Variants in CARS2 observed in about 807,000 individuals in gnomAD.
The protein encoded by CARS2 is cysteinyl-tRNA synthetase 2, mitochondrial, also known as probable cysteine--tRNA ligase, mitochondrial.
CARS2 carries 52 observed loss-of-function variants against 68.8 expected under a neutral mutation model. The ratio of observed to expected loss-of-function variants is 0.76; its 90% CI spans 0.61 to 0.95. The LOEUF is 0.95. Among genes scored for constraint, CARS2 ranks in the 40% least tolerant of loss-of-function variants. CARS2 has a pLI of 0.00. For synonymous variants in CARS2, 314 were observed against 303.6 expected, an observed-to-expected ratio of 1.03 and a Z score of -0.36; for missense variants, 780 against 754.2, an observed-to-expected ratio of 1.03 and a Z score of -0.40.
intron 9 of CARS2, among the ~76,000 whole-genome samples, chr13:110,655,986 C>T (rs772892602): frequency 6.6e-6 from 1 of 152,196 alleles, no homozygotes; most frequent in Non-Finnish European, 1.5e-5. Context: ...CTGAACCCTG[C>T]AAATGTTTCA....
intron 7 of CARS2, among the ~76,000 whole-genome samples, chr13:110,675,575 G>T (rs1350333835): frequency 1.3e-5 from 2 of 152,108 alleles, no homozygotes; most frequent in Non-Finnish European, 2.9e-5. Flanking sequence ...GGGGAGTGGG[G>T]AGGGATAGCA....
At chr13:110,646,124 G>A (rs1330921908) in intron 11 of CARS2, 34 bp from the exon 12 acceptor site, 5 of 1,600,618 alleles carry the variant, frequency 3.1e-6, no homozygotes, top group Non-Finnish European at 4.3e-6. Context: ...CACAGCAGAG[G>A]GAGCTCCACT....
chr13:110,666,492 T>A, intron 8 of CARS2: 2 of 985,304 alleles, frequency 2.0e-6, no homozygotes, highest in Non-Finnish European at 2.4e-6. Context: ...GTTCCCCGAC[T>A]CAACAGGGTA....
intron 13 of CARS2, 51 bp from the exon 14 acceptor site, chr13:110,642,572 T>TG (rs1555342220): frequency 1.7e-5 from 23 of 1,334,156 alleles, no homozygotes; most frequent in Non-Finnish European, 1.0e-5. Context: ...GGATTGTGGA[T>TG]GCCCCCTCCC....
At position 110,668,371 on chromosome 13, in the gene CARS2, G is replaced by A. The variant is rs906621802; in HGVS notation, c.786-898C>T. 2.6e-5 allele frequency among the ~76,000 whole-genome samples: 4 copies of A among 152,126 alleles called. No individual in the cohort carries two copies. The highest frequency in any genetic ancestry group is 2.1e-4 in the South Asian group (1 of 4,808). ...ATCCTGGCTAACATGGTGAAACCCCGTCTCCACTAAAATACAAAAAATCAG... is the reference window on the plus strand; with the variant it reads ...ATCCTGGCTAACATGGTGAAACCCCATCTCCACTAAAATACAAAAAATCAG... On this transcript the variant is annotated intron_variant, in intron 7 of 14. Transcript: ENST00000257347. The surrounding 1 kb of genome is among the most constrained non-coding windows in gnomAD (Gnocchi z 4.1).
chr13:110,701,155 C>A (rs532136709), intron 3 of CARS2, among the ~76,000 whole-genome samples: 3 of 152,266 alleles, frequency 2.0e-5, no homozygotes, highest in South Asian at 2.1e-4. Context: ...CTTCGCCCCC[C>A]CAGGGTCAAG....
intron 9 of CARS2, among the ~76,000 whole-genome samples, chr13:110,656,457 G>A (rs550400073): frequency 6.6e-6 from 1 of 152,304 alleles, no homozygotes; most frequent in Admixed American, 6.5e-5. Flanking sequence ...TGCAGTCCAC[G>A]AGAAAAAGAA....
At chr13:110,666,309 T>A in intron 8 of CARS2, 1 of 985,390 alleles carries the variant, frequency 1.0e-6, no homozygotes, top group South Asian at 4.7e-5. Context: ...AAAGTGGATT[T>A]CAGCTAGTGC....
Position 110,646,087 on chromosome 13 carries a change from G to C in CARS2, c.1197C>G (p.Leu399=), listed in dbSNP as rs747539005. The C allele has an allele frequency of 1.9e-6, 3 of 1,613,082 alleles. No homozygotes were observed. Residue 399 remains leucine, a synonymous_variant, in exon 12 of 15, where the codon CTC becomes CTG. Coordinates refer to ENST00000257347, the MANE Select transcript of CARS2 (RefSeq NM_024537.4). ...CCTTCACGGCCCTCTTGGTGCTGGA[G>C]AGCCTGAGGGAAGAGGAGAGAACAG... is the stretch of plus-strand genomic sequence containing the variant. ...SVREAMLWER[L]SSTKRAVKAA... is the part of the protein sequence containing the mutation.
exon 1 of CARS2, chr13:110,713,239 T>G: frequency 7.2e-7 from 1 of 1,386,114 alleles, no homozygotes; most frequent in Non-Finnish European, 9.3e-7. Context: ...CTACTTATAC[T>G]GCTCTGTGGG....
chr13:110,647,368 T>C, intron 10 of CARS2, 129 bp from the exon 11 acceptor site: 2 of 1,184,586 alleles, frequency 1.7e-6, no homozygotes, highest in South Asian at 1.5e-5. Context: ...CATGTGGCTC[T>C]CACGCCCTCC....
chr13:110,644,714 G>A, intron 12 of CARS2: 1 of 612,716 alleles, frequency 1.6e-6, no homozygotes, highest in Non-Finnish European at 2.6e-6. Flanking sequence ...AGTCATGTGG[G>A]TGGTGACTAG....
rs2062964519 is a variant in CARS2, at chr13:110,676,850, C to A, written c.785+124G>T. The A allele has an allele frequency of 7.8e-7, 1 of 1,279,250 alleles. No individual in the cohort carries two copies. The highest frequency in any genetic ancestry group is 2.8e-5 in the Admixed American group (1 of 35,544). 79.2% of individuals were successfully genotyped at this position (1,279,250 alleles called of 1,614,324 possible). ...CGTCACACTCCGGCAAAAATCTCTT[C>A]CCAAAAAATCACCCATGGGCACACG... On this transcript the variant is annotated intron_variant, in intron 7 of 14. Coordinates refer to ENST00000257347, the MANE Select transcript of CARS2 (RefSeq NM_024537.4). The surrounding 1 kb of genome is among the most constrained non-coding windows in gnomAD (Gnocchi z 4.0).
At chr13:110,655,970 T>A (rs2062355681) in intron 9 of CARS2, among the ~76,000 whole-genome samples, 1 of 152,200 alleles carries the variant, frequency 6.6e-6, no homozygotes. Context: ...CTCTTTAGTG[T>A]TAATGCTGAA....
intron 5 of CARS2, among the ~76,000 whole-genome samples, chr13:110,683,656 C>T (rs1386705580): frequency 6.6e-6 from 1 of 152,188 alleles, no homozygotes; most frequent in Admixed American, 6.5e-5. Flanking sequence ...TTATGTTACA[C>T]ACCAGCTAGC....
At chr13:110,645,823 T>G (rs1888032218) in intron 12 of CARS2, 144 bp downstream of exon 12, 2 of 1,112,590 alleles carry the variant, frequency 1.8e-6, no homozygotes, top group Non-Finnish European at 2.5e-6. Context: ...AGCGGCAGAC[T>G]CGGGCTCCAT....
intron 2 of CARS2, among the ~76,000 whole-genome samples, chr13:110,701,999 C>A (rs553966193): frequency 2.6e-5 from 4 of 152,304 alleles, no homozygotes; most frequent in African/African-American, 9.6e-5. Flanking sequence ...TATAAGATTA[C>A]TCCTAAGAAT....
At position 110,676,822 on chromosome 13, in the gene CARS2, G is replaced by T; in HGVS notation, c.785+152C>A. 2.0e-6 allele frequency: 2 copies of T among 989,296 alleles called. No homozygotes were observed. Among genetic ancestry groups the T allele is most frequent in the Non-Finnish European group, 2.9e-6 (2 of 697,074 alleles). The allele number at this position is 989,296 out of a possible 1,614,324, so 61.3% of individuals were successfully genotyped here. A position where few individuals can be genotyped will look rare whatever the true frequency, so the allele number is the denominator to read the frequency against. ...TGGGTTTCGTTCACCCCGTTCCATG[G>T]CCCGTCACACTCCGGCAAAAATCTC... On this transcript the variant is annotated intron_variant, in intron 7 of 14. Transcript: ENST00000257347. This position sits in a 1 kb window ranked among gnomAD's most constrained non-coding sequence, Gnocchi z 4.0.
intron 3 of CARS2, among the ~76,000 whole-genome samples, chr13:110,692,791 G>A (rs779923193): frequency 4.0e-4 from 60 of 151,836 alleles, no homozygotes; most frequent in Non-Finnish European, 6.3e-4. Flanking sequence ...TCCAGCTTGG[G>A]CAACAGCGTG....
Sources: allele counts gnomAD v4.1 joint callset (sites outside exome capture counted in the v4.1 genomes callset), GRCh38; gene constraint gnomAD v4.1.1; non-coding constraint Gnocchi (gnomAD v3.1); transcripts MANE v1.5; gene names NCBI Gene and HGNC (gene_info 2026-07-23, HGNC 2026-07-21).